RIN2: variants seen among roughly 807,000 people sequenced by gnomAD.
The protein encoded by RIN2 is RAB5 interacting protein 2.
RIN2 carries 36 observed loss-of-function variants against 78.0 expected under a neutral mutation model. That is an observed-to-expected ratio of 0.46 (90% CI 0.35 to 0.61). The LOEUF is 0.61. RIN2 is among the 20% of genes least tolerant of loss of function. The probability of loss-of-function intolerance (pLI) is 0.00; values close to 1 mark genes in which losing one functional copy is unlikely to be tolerated. For missense variants in RIN2, 1,087 were observed against 1,159.7 expected, an observed-to-expected ratio of 0.94 and a Z score of 0.91; for synonymous variants, 466 against 466.8, an observed-to-expected ratio of 1.00 and a Z score of 0.02.
At chr20:19,912,281 C>T (rs768420025) in intron 3 of RIN2, among the ~76,000 whole-genome samples, 3 of 151,946 alleles carry the variant, frequency 2.0e-5, no homozygotes, top group Non-Finnish European at 4.4e-5. Flanking sequence ...GGAAGGAAGC[C>T]TGGGGTTCAA....
intron 3 of RIN2, among the ~76,000 whole-genome samples, chr20:19,906,506 A>T (rs2039224842): frequency 6.6e-6 from 1 of 152,188 alleles, no homozygotes; most frequent in African/African-American, 2.4e-5. Context: ...TTGGATGCTT[A>T]CAGGGGCCAG....
chr20:19,944,264 A>T lies in RIN2; in HGVS notation c.158+9065A>T, dbSNP rs2040997146. ...TCTACATAAGGGGCCTCTGGTACTAATATTCTTCCACAAGTTGTTGATCCC... is the reference window on the plus strand; with the variant it reads ...TCTACATAAGGGGCCTCTGGTACTATTATTCTTCCACAAGTTGTTGATCCC... On this transcript the variant is annotated intron_variant, in intron 4 of 12. Coordinates refer to ENST00000255006, the MANE Select transcript of RIN2 (RefSeq NM_018993.4). Among the ~76,000 whole-genome samples the T allele has an allele frequency of 2.6e-5, 4 of 152,026 alleles. No individual in the cohort carries two copies. The South Asian group carries it at 8.3e-4, about 32-fold the overall frequency.
At chr20:19,918,516 A>G (rs1170283352) in intron 3 of RIN2, among the ~76,000 whole-genome samples, 1 of 152,170 alleles carries the variant, frequency 6.6e-6, no homozygotes, top group Non-Finnish European at 1.5e-5. Context: ...TTTGTCATCT[A>G]CTATGAGCCA....
intron 1 of RIN2, among the ~76,000 whole-genome samples, chr20:19,775,307 CTG>C (rs1349610874): frequency 1.3e-5 from 2 of 152,212 alleles, no homozygotes; most frequent in Non-Finnish European, 1.5e-5. Flanking sequence ...TCTCCAAAGT[CTG>C]TGAAAACGTG....
intron 6 of RIN2, among the ~76,000 whole-genome samples, chr20:19,964,318 C>T (rs187854433): frequency 6.6e-6 from 1 of 151,774 alleles, no homozygotes; most frequent in Admixed American, 6.6e-5. Context: ...CTATAATGCC[C>T]AGACTGGTCT....
chr20:19,903,551 C>A (rs762233493), intron 3 of RIN2, among the ~76,000 whole-genome samples: 1 of 152,150 alleles, frequency 6.6e-6, no homozygotes, highest in Non-Finnish European at 1.5e-5. Flanking sequence ...GCTGGTTCCA[C>A]CTTGACCACT....
chr20:19,822,945 AAT>A (rs2035970808), intron 2 of RIN2, among the ~76,000 whole-genome samples: 1 of 149,982 alleles, frequency 6.7e-6, no homozygotes, highest in African/African-American at 2.4e-5. Context: ...GGATTTTAAA[AAT>A]ATATATTTCT....
At chr20:19,970,979 C>T in intron 8 of RIN2, 50 bp downstream of exon 8, 1 of 1,391,900 alleles carries the variant, frequency 7.2e-7, no homozygotes, top group Non-Finnish European at 1.0e-6. Context: ...ATCCATGGAG[C>T]AGAGTCAATG....
intron 1 of RIN2, among the ~76,000 whole-genome samples, chr20:19,770,296 A>G (rs2034061795): frequency 6.6e-6 from 1 of 152,238 alleles, no homozygotes; most frequent in South Asian, 2.1e-4. Flanking sequence ...CTATGCAATT[A>G]AGGATTATTT....
chr20:19,762,526 T>C (rs933522444), intron 1 of RIN2, among the ~76,000 whole-genome samples: 1 of 152,190 alleles, frequency 6.6e-6, no homozygotes, highest in African/African-American at 2.4e-5. Flanking sequence ...TTTAGAGATA[T>C]GTATTAAACA....
chr20:19,920,184 T>G (rs1600803326), intron 3 of RIN2, among the ~76,000 whole-genome samples: 2 of 151,424 alleles, frequency 1.3e-5, no homozygotes, highest in Middle Eastern at 6.9e-3. Context: ...TAGTCCCAGC[T>G]ACTTGGGAGG....
intron 3 of RIN2, among the ~76,000 whole-genome samples, chr20:19,918,540 A>G (rs541948894): frequency 6.6e-6 from 1 of 152,320 alleles, no homozygotes; most frequent in East Asian, 1.9e-4. Context: ...TTGCATATCT[A>G]CCTTTGAAGG....
At chr20:19,759,543 T>C (rs182564833) in intron 1 of RIN2, among the ~76,000 whole-genome samples, 1 of 152,310 alleles carries the variant, frequency 6.6e-6, no homozygotes, top group Non-Finnish European at 1.5e-5. Flanking sequence ...AAAATCAACA[T>C]TTTAAATACA....
intron 2 of RIN2, among the ~76,000 whole-genome samples, chr20:19,838,684 C>G (rs2036492169): frequency 6.6e-6 from 1 of 152,170 alleles, no homozygotes. Context: ...AAATCATACT[C>G]CCAACTGTGG....
intron 1 of RIN2, among the ~76,000 whole-genome samples, chr20:19,767,864 G>T (rs1470044564): frequency 2.0e-5 from 3 of 151,264 alleles, no homozygotes; most frequent in African/African-American, 7.3e-5. Context: ...GGCAGAGGTT[G>T]CAGGGAGCCG....
intron 2 of RIN2, among the ~76,000 whole-genome samples, chr20:19,865,809 A>G (rs964290122): frequency 1.3e-5 from 2 of 152,108 alleles, no homozygotes; most frequent in African/African-American, 4.8e-5. Context: ...ATACTTTACA[A>G]AAATATAATA....
chr20:19,886,746 A>C, intron 2 of RIN2: 1 of 1,544,090 alleles, frequency 6.5e-7, no homozygotes, highest in Non-Finnish European at 8.7e-7. Flanking sequence ...CAACCGGTAC[A>C]AGTCTGGAGG....
At chr20:19,818,745 A>G (rs1479653943) in intron 2 of RIN2, among the ~76,000 whole-genome samples, 2 of 67,798 alleles carry the variant, frequency 2.9e-5, no homozygotes, top group Non-Finnish European at 5.4e-5. Context: ...AAAAAAAAAG[A>G]AAGAAAGAGA....
At chr20:19,788,109 T>C (rs1485512632) in intron 1 of RIN2, among the ~76,000 whole-genome samples, 1 of 152,176 alleles carries the variant, frequency 6.6e-6, no homozygotes, top group African/African-American at 2.4e-5. Flanking sequence ...AAAGGGTATG[T>C]GCAAGCCATG....
Sources: allele counts gnomAD v4.1 joint callset (sites outside exome capture counted in the v4.1 genomes callset), GRCh38; gene constraint gnomAD v4.1.1; transcripts MANE v1.5; gene names NCBI Gene and HGNC (gene_info 2026-07-23, HGNC 2026-07-21).